AMOTL1: variants seen among roughly 807,000 people sequenced by gnomAD.
AMOTL1 encodes the protein angiomotin like 1, also known as angiomotin-like protein 1.
In AMOTL1, 45 loss-of-function variants were observed where a neutral mutation model predicts 102.9. The ratio of observed to expected loss-of-function variants is 0.44; its 90% confidence interval spans 0.34 to 0.56. AMOTL1 has a LOEUF of 0.56. AMOTL1 is among the 20% of genes least tolerant of loss of function. The pLI, the probability that AMOTL1 is intolerant of heterozygous loss-of-function variation, is 0.01. For missense variants in AMOTL1, 1,114 were observed against 1,225.6 expected, an observed-to-expected ratio of 0.91 and a Z score of 1.36; for synonymous variants, 481 against 484.7, an observed-to-expected ratio of 0.99 and a Z score of 0.10.
At chr11:94,755,184 G>A (rs1476080992) in intron 3 of AMOTL1, among the ~76,000 whole-genome samples, 1 of 152,218 alleles carries the variant, frequency 6.6e-6, no homozygotes, top group African/African-American at 2.4e-5. Flanking sequence ...AACAACTTCA[G>A]GGATTTGATG....
rs11020968 is a variant in AMOTL1, at chr11:94,869,249, C to T, written c.2540C>T (p.Pro847Leu). ...HHEHASAPLL[P>L]PPPTSALSSI... Reference sequence around the variant, plus strand: ...GAGCATGCCTCTGCCCCACTGCTGCCACCCCCACCCACCTCAGCACTGTCC... The same window carrying T: ...GAGCATGCCTCTGCCCCACTGCTGCTACCCCCACCCACCTCAGCACTGTCC... Residue 847 changes from proline (P) to leucine (L), a missense_variant, in exon 12 of 13, where the codon CCA (proline) becomes CTA (leucine). Physicochemically the swap from Pro to Leu is moderately conservative, Grantham distance 98. Coordinates refer to ENST00000433060, the MANE Select transcript of AMOTL1 (RefSeq NM_130847.3). 180,721 of 1,612,240 alleles carry T rather than the reference C, an allele frequency of 0.11. 11,389 individuals carry two copies. Among genetic ancestry groups the T allele is most frequent in the East Asian group, 0.14 (6,167 of 44,808 alleles).
intron 2 of AMOTL1, among the ~76,000 whole-genome samples, 182 bp downstream of exon 2, chr11:94,795,342 T>C (rs1442417010): frequency 1.3e-5 from 2 of 152,220 alleles, no homozygotes; most frequent in Non-Finnish European, 2.9e-5. Flanking sequence ...ATGGTGTTAA[T>C]AGACTGCTTT....
chr11:94,853,875 C>G lies in AMOTL1; in HGVS notation c.1795-58C>G. On this transcript the variant is annotated intron_variant, in intron 7 of 12. Transcript: ENST00000433060. The stretch of plus-strand genomic sequence containing the variant: ...GTAATCTGACCCCACCTCCTCCACC[C>G]CAGCTTTGAGAATCAGTGGTCTAAA... 7.0e-6 allele frequency: 11 copies of G among 1,567,966 alleles called. No homozygotes were observed. In the South Asian group the frequency reaches 1.2e-4, roughly 17 times the overall value.
At chr11:94,767,213 T>C (rs1322570161), upstream of AMOTL1, among the ~76,000 whole-genome samples, 1 of 151,504 alleles carries the variant, frequency 6.6e-6, no homozygotes, top group East Asian at 1.9e-4. Context: ...TTTTGTGTGC[T>C]AAGTTTCTTT....
chr11:94,802,369 G>T (rs1164712072), intron 3 of AMOTL1, among the ~76,000 whole-genome samples: 1 of 152,184 alleles, frequency 6.6e-6, no homozygotes, highest in Non-Finnish European at 1.5e-5. Context: ...AGCCTCTAGA[G>T]CTTGATAGAG....
At chr11:94,789,323 T>C (rs933327144) in intron 1 of AMOTL1, among the ~76,000 whole-genome samples, 74 of 152,158 alleles carry the variant, frequency 4.9e-4, no homozygotes, top group African/African-American at 1.7e-3. Flanking sequence ...CATGCCTGGC[T>C]AATTTTTGTA....
chr11:94,762,956 A>G (rs546346810), intron 3 of AMOTL1, among the ~76,000 whole-genome samples: 25 of 152,346 alleles, frequency 1.6e-4, no homozygotes, highest in African/African-American at 6.0e-4. Flanking sequence ...CAAACTACCT[A>G]TGTAGCATGG....
chr11:94,722,061 G>T (rs1004925835), intron 1 of AMOTL1, among the ~76,000 whole-genome samples: 1 of 152,024 alleles, frequency 6.6e-6, no homozygotes, highest in Non-Finnish European at 1.5e-5. Context: ...CCTCTCCTGG[G>T]GTTTCCCAAC....
At chr11:94,831,679 C>T (rs1480379488) in intron 6 of AMOTL1, 138 bp downstream of exon 6, 1 of 703,728 alleles carries the variant, frequency 1.4e-6, no homozygotes, top group Non-Finnish European at 2.4e-6. Context: ...CTATTGATCT[C>T]AGATGAGGCC....
At chr11:94,834,460 G>C (rs751471023) in intron 6 of AMOTL1, among the ~76,000 whole-genome samples, 1 of 152,112 alleles carries the variant, frequency 6.6e-6, no homozygotes, top group African/African-American at 2.4e-5. Context: ...GATGGTGGGC[G>C]CCTGTAGTCC....
chr11:94,816,353 G>A (rs1951765977), intron 3 of AMOTL1, among the ~76,000 whole-genome samples: 1 of 152,086 alleles, frequency 6.6e-6, no homozygotes, highest in Non-Finnish European at 1.5e-5. Flanking sequence ...GCTTTAGATG[G>A]TTCTGTGAAT....
intron 1 of AMOTL1, among the ~76,000 whole-genome samples, chr11:94,708,159 C>T (rs1009140818): frequency 1.3e-5 from 2 of 152,298 alleles, no homozygotes; most frequent in South Asian, 2.1e-4. Flanking sequence ...TAGCTCGTCC[C>T]CCCTGCTACC....
intron 6 of AMOTL1, among the ~76,000 whole-genome samples, chr11:94,839,882 C>T (rs147053311): frequency 4.3e-4 from 66 of 152,086 alleles, no homozygotes; most frequent in Admixed American, 1.4e-3. Context: ...ATTATTTAGC[C>T]CAGCGCTGTG....
chr11:94,830,282 C>A, intron 5 of AMOTL1, 88 bp downstream of exon 5: 1 of 1,266,666 alleles, frequency 7.9e-7, no homozygotes, highest in Non-Finnish European at 1.1e-6. Flanking sequence ...AGTGCTTTGC[C>A]ACAGGTACTG....
intron 3 of AMOTL1, among the ~76,000 whole-genome samples, chr11:94,753,472 A>G (rs1465486066): frequency 1.3e-5 from 2 of 152,240 alleles, no homozygotes; most frequent in African/African-American, 2.4e-5. Context: ...TAAATGCATT[A>G]TAATAAAAAG....
intron 3 of AMOTL1, among the ~76,000 whole-genome samples, chr11:94,755,746 C>T (rs1950715543): frequency 6.6e-6 from 1 of 151,996 alleles, no homozygotes; most frequent in Non-Finnish European, 1.5e-5. Flanking sequence ...TTTTTGGGCT[C>T]CAAGCCCACG....
At chr11:94,718,715 T>C (rs771719292) in intron 1 of AMOTL1, among the ~76,000 whole-genome samples, 1 of 151,022 alleles carries the variant, frequency 6.6e-6, no homozygotes, top group Non-Finnish European at 1.5e-5. Context: ...ATCTATTGAT[T>C]ATCAGTTGAT....
chr11:94,837,702 T>C (rs1174269688), intron 6 of AMOTL1, among the ~76,000 whole-genome samples: 1 of 152,242 alleles, frequency 6.6e-6, no homozygotes, highest in African/African-American at 2.4e-5. Flanking sequence ...TGATTTGCCA[T>C]GCTTAAAGAA....
At chr11:94,822,748 A>G (rs568010285) in intron 4 of AMOTL1, among the ~76,000 whole-genome samples, 1 of 152,330 alleles carries the variant, frequency 6.6e-6, no homozygotes, top group Non-Finnish European at 1.5e-5. Context: ...AACGTCCAGC[A>G]AGAACGAGCT....
Sources: gnomAD v4.1 joint callset for allele counts (sites outside exome capture counted in the v4.1 genomes callset) on GRCh38, gnomAD v4.1.1 for gene constraint, MANE v1.5 for transcripts, NCBI Gene and HGNC (gene_info 2026-07-23, HGNC 2026-07-21) for gene names.